TRAPPC12: variants seen among roughly 807,000 people sequenced by gnomAD.
The protein encoded by TRAPPC12 is TPR repeat protein 15.
In TRAPPC12, 61 loss-of-function variants were observed where a neutral mutation model predicts 69.2. The observed-to-expected ratio is 0.88, with a 90% CI of 0.72 to 1.09. TRAPPC12 has a LOEUF of 1.09. TRAPPC12 is among the 50% of genes least tolerant of loss of function. TRAPPC12 has a pLI of 0.00. For synonymous variants in TRAPPC12, 469 were observed against 438.9 expected (o/e 1.07, Z -0.86); for missense variants, 1,101 against 1,016.4 (o/e 1.08, Z -1.13).
Position 3,422,914 on chromosome 2 carries a change from A to G in TRAPPC12, c.1278+920A>G, listed in dbSNP as rs552153369. Among the ~76,000 whole-genome samples, 4 of 152,330 alleles carry G rather than the reference A, an allele frequency of 2.6e-5. No homozygotes were observed. In the South Asian group the frequency reaches 8.3e-4, roughly 32 times the overall value. On this transcript the variant is annotated intron_variant, in intron 4 of 11. Coordinates refer to ENST00000324266, the MANE Select transcript of TRAPPC12 (RefSeq NM_016030.6). ...CATTCATTCCATAAACTACCTCCAAAAAAGCACACTTTTGATCATCTCACT... is the reference window on the plus strand; with the variant it reads ...CATTCATTCCATAAACTACCTCCAAGAAAGCACACTTTTGATCATCTCACT...
rs1660582726 is a variant in TRAPPC12 at position 3,387,996 on chromosome 2, C to T, written c.373C>T (p.Pro125Ser). The stretch of plus-strand genomic sequence containing the variant: ...CGACTGTGCCCCCGAGGACGCGGCA[C>T]CCAGTAGCGGAGGGGCCCCGAGGCA... ...DGDCAPEDAA[P>S]SSGGAPRQDA... is the part of the protein sequence containing the mutation. Residue 125 changes from proline (P) to serine (S), a missense_variant, in exon 2 of 12, where the codon CCC (proline) becomes TCC (serine). Coordinates refer to ENST00000324266, the MANE Select transcript of TRAPPC12 (RefSeq NM_016030.6). The T allele has an allele frequency of 2.0e-6, 3 of 1,472,344 alleles. No individual in the cohort carries two copies. The highest frequency in any genetic ancestry group is 2.5e-5 in the Admixed American group (1 of 40,324). The allele number at this position is 1,472,344 out of a possible 1,614,324, so 91.2% of individuals were successfully genotyped here.
chr2:3,463,542 T>G (rs912324961), intron 8 of TRAPPC12, among the ~76,000 whole-genome samples: 1 of 149,922 alleles, frequency 6.7e-6, no homozygotes, highest in Non-Finnish European at 1.5e-5. Flanking sequence ...CATGGCTTGG[T>G]TTCGTAAAAA....
chr2:3,421,247 A>G (rs1433881394), intron 3 of TRAPPC12, among the ~76,000 whole-genome samples: 1 of 152,246 alleles, frequency 6.6e-6, no homozygotes, highest in Non-Finnish European at 1.5e-5. Context: ...GATAAACACA[A>G]GAGTCTGTAC....
chr2:3,452,154 G>A (rs904772512), intron 6 of TRAPPC12, among the ~76,000 whole-genome samples: 3 of 152,100 alleles, frequency 2.0e-5, no homozygotes, highest in Non-Finnish European at 2.9e-5. Context: ...ACTGGGCTCC[G>A]GGAGGCTCCG....
chr2:3,433,639 G>A (rs991547397), intron 5 of TRAPPC12, among the ~76,000 whole-genome samples: 1 of 152,188 alleles, frequency 6.6e-6, no homozygotes, highest in Non-Finnish European at 1.5e-5. Context: ...ACCAAGGCCC[G>A]GGCAATTCCT....
At chr2:3,476,317 G>A (rs1253198685) in intron 9 of TRAPPC12, among the ~76,000 whole-genome samples, 4 of 152,182 alleles carry the variant, frequency 2.6e-5, no homozygotes, top group Non-Finnish European at 2.9e-5. Flanking sequence ...AGATTCCTAC[G>A]TTAGAGAGGA....
At chr2:3,409,403 T>C (rs573945546) in intron 3 of TRAPPC12, among the ~76,000 whole-genome samples, 1 of 152,260 alleles carries the variant, frequency 6.6e-6, no homozygotes, top group South Asian at 2.1e-4. Context: ...TGGTAAATAA[T>C]GTGTTTTCTT....
intron 9 of TRAPPC12, among the ~76,000 whole-genome samples, chr2:3,466,826 G>A (rs1337708034): frequency 3.3e-5 from 5 of 152,308 alleles, no homozygotes; most frequent in Non-Finnish European, 5.9e-5. Context: ...CCTGCACTGG[G>A]ATGCTTGCAG....
intron 8 of TRAPPC12, among the ~76,000 whole-genome samples, 170 bp from the exon 9 acceptor site, chr2:3,465,427 C>T (rs1412321374): frequency 1.3e-5 from 2 of 152,218 alleles, no homozygotes; most frequent in East Asian, 1.9e-4. Flanking sequence ...GGAGAGCAGC[C>T]GCCCCCTGGC....
At chr2:3,442,161 C>T (rs531816237) in intron 5 of TRAPPC12, among the ~76,000 whole-genome samples, 1 of 152,092 alleles carries the variant, frequency 6.6e-6, no homozygotes, top group African/African-American at 2.4e-5. Context: ...ACGTTGAGAT[C>T]GGAGTATTAA....
At position 3,478,857 on chromosome 2, in the gene TRAPPC12, A is replaced by G; in HGVS notation, c.1889A>G (p.His630Arg). 6.2e-7 allele frequency: 1 copy of G among 1,613,992 alleles called. No individual in the cohort carries two copies. ...IMVLMNSAFL[H>R]LGQNNFAEAH... ...TGCTTGTGTTACAGCGCGTTCCTTC[A>G]CCTCGGGCAGAATAACTTTGCAGAA... Residue 630 changes from histidine (H) to arginine (R), a missense_variant, in exon 11 of 12, where the codon CAC becomes CGC. By Grantham distance (29) the His-to-Arg change is conservative. Coordinates refer to ENST00000324266, the MANE Select transcript of TRAPPC12 (RefSeq NM_016030.6).
chr2:3,411,706 A>T (rs1220776758), intron 3 of TRAPPC12, among the ~76,000 whole-genome samples: 1 of 152,266 alleles, frequency 6.6e-6, no homozygotes, highest in Admixed American at 6.5e-5. Context: ...TAATAGCCAC[A>T]TAATCTGAAG....
chr2:3,461,693 G>A (rs557362224), intron 8 of TRAPPC12, among the ~76,000 whole-genome samples: 2 of 152,312 alleles, frequency 1.3e-5, no homozygotes, highest in East Asian at 1.9e-4. Context: ...CAGGTGGCCC[G>A]CACAGGTGCT....
chr2:3,462,090 G>C (rs990747336), intron 8 of TRAPPC12, among the ~76,000 whole-genome samples: 9 of 152,248 alleles, frequency 5.9e-5, no homozygotes, highest in Non-Finnish European at 1.2e-4. Flanking sequence ...CAGGACTGAC[G>C]TTTCACTAAT....
intron 6 of TRAPPC12, among the ~76,000 whole-genome samples, chr2:3,448,525 G>A (rs1664644206): frequency 6.6e-6 from 1 of 152,100 alleles, no homozygotes; most frequent in Admixed American, 6.5e-5. Context: ...AATGAGTCCA[G>A]AATGTTAAAC....
chr2:3,444,557 T>A (rs1664407309), intron 6 of TRAPPC12, among the ~76,000 whole-genome samples: 1 of 152,350 alleles, frequency 6.6e-6, no homozygotes, highest in Non-Finnish European at 1.5e-5. Flanking sequence ...GTCACAGTGT[T>A]CCTGTATAGG....
At chr2:3,380,453 T>G (rs1043029547) in intron 1 of TRAPPC12, among the ~76,000 whole-genome samples, 6 of 152,196 alleles carry the variant, frequency 3.9e-5, no homozygotes, top group Non-Finnish European at 5.9e-5. Flanking sequence ...ACAGAAAGCG[T>G]TAGGGTCAAA....
At chr2:3,417,972 G>A (rs917896302) in intron 3 of TRAPPC12, among the ~76,000 whole-genome samples, 3 of 151,440 alleles carry the variant, frequency 2.0e-5, no homozygotes, top group African/African-American at 4.9e-5. Flanking sequence ...GAACCCAGGA[G>A]GCGGAGATTG....
chr2:3,434,803 C>G (rs1249530386), intron 5 of TRAPPC12, among the ~76,000 whole-genome samples: 1 of 152,192 alleles, frequency 6.6e-6, no homozygotes, highest in Non-Finnish European at 1.5e-5. Context: ...TACTTGATAA[C>G]CGAGTGTCTA....
Sources: allele counts gnomAD v4.1 joint callset (sites outside exome capture counted in the v4.1 genomes callset), GRCh38; gene constraint gnomAD v4.1.1; transcripts MANE v1.5; gene names NCBI Gene and HGNC (gene_info 2026-07-23, HGNC 2026-07-21).